AGAP1: variants seen among roughly 807,000 people sequenced by gnomAD.
The protein encoded by AGAP1 is ArfGAP with GTPase domain, ankyrin repeat and PH domain 1.
Under a neutral mutation model 105.3 loss-of-function variants are expected in AGAP1, and 29 were observed. The observed-to-expected ratio is 0.28, with a 90% CI of 0.21 to 0.38. The LOEUF is 0.38. AGAP1 is among the 10% of genes least tolerant of loss of function. The pLI is 1.00. For missense variants in AGAP1, 998 were observed against 1,165.1 expected, an observed-to-expected ratio of 0.86 and a Z score of 2.09; for synonymous variants, 509 against 485.9, an observed-to-expected ratio of 1.05 and a Z score of -0.63.
At chr2:235,802,532 A>G (rs1340636017) in intron 8 of AGAP1, among the ~76,000 whole-genome samples, 1 of 152,238 alleles carries the variant, frequency 6.6e-6, no homozygotes, top group African/African-American at 2.4e-5. Flanking sequence ...TACCACTGCA[A>G]TAGGTTTGCA....
In AGAP1 at chr2:235,788,183, G is replaced by A. The variant is rs1354056943; in HGVS notation, c.674-9576G>A. ...GTACTTAGCTCAAGTGCACAGAGAA[G>A]CAGAGTGCCATACTGGGACCCTACG... On this transcript the variant is annotated intron_variant, in intron 6 of 17. Transcript: ENST00000304032. The surrounding 1 kb of genome is among the most constrained non-coding windows in gnomAD (Gnocchi z 6.0). 6.6e-6 allele frequency among the ~76,000 whole-genome samples: 1 copy of A among 152,170 alleles called. No individual in the cohort carries two copies. Among genetic ancestry groups the A allele is most frequent in the Non-Finnish European group, 1.5e-5 (1 of 68,038 alleles).
rs150966783 is a variant in AGAP1 at position 235,885,526 on chromosome 2, T to C, written c.1155+2077T>C. Among the ~76,000 whole-genome samples the C allele has an allele frequency of 4.6e-5, 7 of 152,368 alleles. No individual in the cohort carries two copies. The East Asian group carries it at 1.2e-3, about 25-fold the overall frequency. ...GCATGTGCTTTCATGGTTTTTGCTG[T>C]ATTTTGTCAAATTCCCAGAAAGGTT... On this transcript the variant is annotated intron_variant, in intron 10 of 17. Coordinates refer to ENST00000304032, the MANE Select transcript of AGAP1 (RefSeq NM_001037131.3).
intron 6 of AGAP1, among the ~76,000 whole-genome samples, chr2:235,756,861 A>G (rs1282027100): frequency 7.0e-6 from 1 of 142,402 alleles, no homozygotes; most frequent in Non-Finnish European, 1.5e-5. Flanking sequence ...AACCATCCCC[A>G]TCCCCCACCT....
chr2:235,634,301 C>T (rs544520344), intron 1 of AGAP1, among the ~76,000 whole-genome samples: 1 of 152,296 alleles, frequency 6.6e-6, no homozygotes, highest in South Asian at 2.1e-4. Flanking sequence ...TGTATTTCAT[C>T]GACACATCCT....
At chr2:235,779,896 G>A (rs1020439022) in intron 6 of AGAP1, among the ~76,000 whole-genome samples, 1 of 152,228 alleles carries the variant, frequency 6.6e-6, no homozygotes, top group African/African-American at 2.4e-5. Context: ...GGCAGCAGCA[G>A]CAAAATCCTC....
intron 1 of AGAP1, among the ~76,000 whole-genome samples, chr2:235,530,131 G>A (rs996618193): frequency 6.6e-6 from 1 of 152,134 alleles, no homozygotes; most frequent in African/African-American, 2.4e-5. Flanking sequence ...CTCCCCGTAG[G>A]ACTACAAGAC....
intron 9 of AGAP1, among the ~76,000 whole-genome samples, chr2:235,811,247 A>G (rs1423982416): frequency 6.6e-6 from 1 of 152,240 alleles, no homozygotes; most frequent in Non-Finnish European, 1.5e-5. Flanking sequence ...AGCCCCGGCC[A>G]GAGAACCTGT....
intron 9 of AGAP1, chr2:235,852,574 ATAGAGAC>A (rs2048518486): frequency 9.6e-7 from 1 of 1,046,188 alleles, no homozygotes. Flanking sequence ...CTCTTAATGA[ATAGAGAC>A]TGCTGAAGTA....
intron 12 of AGAP1, among the ~76,000 whole-genome samples, chr2:235,933,004 C>T (rs905033163): frequency 2.0e-5 from 3 of 152,182 alleles, no homozygotes; most frequent in African/African-American, 7.2e-5. Flanking sequence ...AGTATGCTCC[C>T]TGACCTCGTA....
rs572194780 is a variant in AGAP1 at position 236,040,129 on chromosome 2, A to T, written c.1801-622A>T. Among the ~76,000 whole-genome samples the T allele has an allele frequency of 6.6e-6, 1 of 152,238 alleles. No individual in the cohort carries two copies. Among genetic ancestry groups the T allele is most frequent in the South Asian group, 2.1e-4 (1 of 4,824 alleles). ...CTGGCTCAAAAAATAATAATAATAA[A>T]TAAATAAATAAAAATAAAGCAAGCC... On this transcript the variant is annotated intron_variant, in intron 14 of 17. Transcript: ENST00000304032. The surrounding 1 kb of genome is among the most constrained non-coding windows in gnomAD (Gnocchi z 5.6).
intron 1 of AGAP1, among the ~76,000 whole-genome samples, chr2:235,513,741 G>T (rs964270518): frequency 1.3e-5 from 2 of 152,036 alleles, no homozygotes; most frequent in Admixed American, 6.5e-5. Flanking sequence ...CCAAATCCTG[G>T]AGCCTGGACT....
chr2:235,943,984 T>A (rs544984208), intron 12 of AGAP1, among the ~76,000 whole-genome samples: 1 of 152,240 alleles, frequency 6.6e-6, no homozygotes, highest in South Asian at 2.1e-4. Context: ...AAAAATTTTA[T>A]ATCACACAGA....
intron 11 of AGAP1, among the ~76,000 whole-genome samples, chr2:235,926,409 A>G (rs2052447707): frequency 6.6e-6 from 1 of 152,220 alleles, no homozygotes; most frequent in Non-Finnish European, 1.5e-5. Flanking sequence ...TTAACCCAGC[A>G]TGGCAGCTTC....
At chr2:235,768,812 A>T (rs929099177) in intron 6 of AGAP1, among the ~76,000 whole-genome samples, 13 of 152,106 alleles carry the variant, frequency 8.5e-5, no homozygotes, top group Non-Finnish European at 1.2e-4. Flanking sequence ...GTTGTCGGGG[A>T]TCTGGGCAGC....
rs1553548228 is a variant in AGAP1, at chr2:236,024,029, T to TTTTGTTTTG, written c.1646-12529_1646-12528insGTTTTGTTT. Among the ~76,000 whole-genome samples, 775 of 114,132 alleles carry TTTTGTTTTG rather than the reference T, an allele frequency of 6.8e-3. 5 individuals carry two copies. The highest frequency in any genetic ancestry group is 0.03 in the African/African-American group (730 of 23,968). The allele number at this position is 114,132 out of a possible 152,430, so 74.9% of individuals were successfully genotyped here. On this transcript the variant is annotated intron_variant, in intron 13 of 17. Coordinates refer to ENST00000304032, the MANE Select transcript of AGAP1 (RefSeq NM_001037131.3). Reference sequence around the variant, plus strand: ...GTAGTTTGTGGTTGGTTGTTTTTTTTTTTTGTTTTTTTTTTTTTTTGGAGA... The same window carrying TTTTGTTTTG: ...GTAGTTTGTGGTTGGTTGTTTTTTTTTTTGTTTTGTTTTGTTTTTTTTTTTTTTTGGAGA...
In AGAP1 at chr2:235,692,748, G is replaced by A. The variant is rs1385342504; in HGVS notation, c.164-16431G>A. ...CCTGCCGCCTCGTGTGTCCTGCATG[G>A]CATTTGTTACAGCCCGCAGTCACAG... On this transcript the variant is annotated intron_variant, in intron 1 of 17. Transcript: ENST00000304032. This position sits in a 1 kb window ranked among gnomAD's most constrained non-coding sequence, Gnocchi z 5.8. Among the ~76,000 whole-genome samples, 1 of 152,202 alleles carries A rather than the reference G, an allele frequency of 6.6e-6. No homozygotes were observed. The highest frequency in any genetic ancestry group is 2.4e-5 in the African/African-American group (1 of 41,452).
At chr2:235,885,395 C>T (rs902056425) in intron 10 of AGAP1, among the ~76,000 whole-genome samples, 4 of 152,204 alleles carry the variant, frequency 2.6e-5, no homozygotes, top group African/African-American at 9.7e-5. Flanking sequence ...AGTTTTTTCA[C>T]TGTCATAAAG....
At chr2:235,884,635 G>A (rs1269138009) in intron 10 of AGAP1, among the ~76,000 whole-genome samples, 2 of 151,826 alleles carry the variant, frequency 1.3e-5, no homozygotes, top group Non-Finnish European at 2.9e-5. Flanking sequence ...TGTGTTTTTA[G>A]TAGAGACGTG....
chr2:235,670,188 G>A, intron 1 of AGAP1: 2 of 583,864 alleles, frequency 3.4e-6, no homozygotes, highest in Non-Finnish European at 6.3e-6. Context: ...ACTGTCTACC[G>A]CATCTCCGTG....
Sources: allele counts gnomAD v4.1 joint callset (sites outside exome capture counted in the v4.1 genomes callset), GRCh38; gene constraint gnomAD v4.1.1; non-coding constraint Gnocchi (gnomAD v3.1); transcripts MANE v1.5; gene names NCBI Gene and HGNC (gene_info 2026-07-23, HGNC 2026-07-21).